EXOC4: variants seen among roughly 807,000 people sequenced by gnomAD.
EXOC4 encodes the protein SEC8-like 1.
A neutral mutation model predicts 107.2 loss-of-function variants in EXOC4; 71 were observed. The observed-to-expected ratio is 0.66, with a 90% CI of 0.55 to 0.81. EXOC4 has a LOEUF of 0.81. EXOC4 is among the 30% of genes least tolerant of loss of function. The pLI, the probability that EXOC4 is intolerant of heterozygous loss-of-function variation, is 0.00. For synonymous variants in EXOC4, 456 were observed against 441.2 expected (o/e 1.03, Z -0.42); for missense variants, 1,108 against 1,189.6 (o/e 0.93, Z 1.01).
At chr7:133,928,259 C>T (rs1415994193) in intron 13 of EXOC4, among the ~76,000 whole-genome samples, 2 of 152,146 alleles carry the variant, frequency 1.3e-5, no homozygotes, top group African/African-American at 4.8e-5. Flanking sequence ...TCACCTGTGC[C>T]ATTGTGGTGG....
intron 14 of EXOC4, among the ~76,000 whole-genome samples, chr7:133,938,753 A>T (rs996351433): frequency 1.3e-5 from 2 of 152,252 alleles, no homozygotes; most frequent in African/African-American, 4.8e-5. Context: ...TAACACAGTT[A>T]AAATAGAGAC....
intron 5 of EXOC4, among the ~76,000 whole-genome samples, chr7:133,323,879 C>A (rs1193064793): frequency 1.3e-5 from 2 of 152,146 alleles, no homozygotes; most frequent in African/African-American, 4.8e-5. Flanking sequence ...ATTATTGCCT[C>A]AATTTCAGAG....
chr7:133,914,717 G>A (rs543001367), intron 12 of EXOC4, among the ~76,000 whole-genome samples: 14 of 152,302 alleles, frequency 9.2e-5, no homozygotes, highest in South Asian at 4.2e-4. Context: ...TGCAGACTAC[G>A]TAACAGTGAT....
intron 9 of EXOC4, among the ~76,000 whole-genome samples, chr7:133,570,699 T>C (rs963679513): frequency 1.3e-5 from 2 of 152,198 alleles, no homozygotes; most frequent in Admixed American, 1.3e-4. Context: ...AAACCAGGAC[T>C]CTTATCCACT....
At chr7:133,375,226 A>G (rs1796463104) in intron 7 of EXOC4, among the ~76,000 whole-genome samples, 2 of 152,220 alleles carry the variant, frequency 1.3e-5, no homozygotes, top group Non-Finnish European at 2.9e-5. Flanking sequence ...CTGTAATCCC[A>G]GTACTTTGGG....
chr7:133,633,002 G>T (rs540981858), intron 10 of EXOC4, among the ~76,000 whole-genome samples: 1 of 152,244 alleles, frequency 6.6e-6, no homozygotes, highest in East Asian at 1.9e-4. Context: ...AATAATCTTG[G>T]TTCAGGACTA....
At chr7:133,841,779 C>A (rs1385717742) in intron 11 of EXOC4, among the ~76,000 whole-genome samples, 3 of 152,126 alleles carry the variant, frequency 2.0e-5, no homozygotes, top group Non-Finnish European at 4.4e-5. Context: ...AAGCATAGTA[C>A]CCAATAGGTA....
chr7:133,426,470 G>A (rs1030680477), intron 7 of EXOC4, among the ~76,000 whole-genome samples: 4 of 152,220 alleles, frequency 2.6e-5, no homozygotes, highest in African/African-American at 4.8e-5. Flanking sequence ...ACTTGCTCAT[G>A]AAGTGTGGGA....
At chr7:133,798,194 A>G (rs931605730) in intron 10 of EXOC4, among the ~76,000 whole-genome samples, 2 of 152,126 alleles carry the variant, frequency 1.3e-5, no homozygotes, top group African/African-American at 4.8e-5. Flanking sequence ...AGTCCTCAAC[A>G]TTTCTTATTT....
intron 11 of EXOC4, among the ~76,000 whole-genome samples, chr7:133,820,084 G>A (rs1402643634): frequency 6.7e-6 from 1 of 148,456 alleles, no homozygotes; most frequent in African/African-American, 2.5e-5. Flanking sequence ...AAGTGAATAA[G>A]TCTTGAGGCT....
At chr7:133,773,656 G>T (rs939489471) in intron 10 of EXOC4, among the ~76,000 whole-genome samples, 3 of 151,884 alleles carry the variant, frequency 2.0e-5, no homozygotes, top group African/African-American at 4.8e-5. Flanking sequence ...CATGTTGGGG[G>T]TTGAAATATC....
chr7:133,854,999 A>G (rs1018136552), intron 11 of EXOC4, among the ~76,000 whole-genome samples: 11 of 143,710 alleles, frequency 7.7e-5, no homozygotes, highest in African/African-American at 2.9e-4. Flanking sequence ...ATTGGATTAT[A>G]ATGGCTTCTC....
intron 6 of EXOC4, among the ~76,000 whole-genome samples, chr7:133,371,870 A>G (rs963007400): frequency 2.6e-5 from 4 of 152,298 alleles, no homozygotes; most frequent in South Asian, 4.1e-4. Flanking sequence ...GAGAGTTCCA[A>G]TTTCTCTGCA....
At chr7:133,650,091 T>A (rs1403991141) in intron 10 of EXOC4, among the ~76,000 whole-genome samples, 9 of 152,086 alleles carry the variant, frequency 5.9e-5, no homozygotes, top group Non-Finnish European at 1.0e-4. Flanking sequence ...TGGAATACAT[T>A]CTTTTGTTTG....
At chr7:133,307,802 G>T (rs1467910565) in intron 4 of EXOC4, among the ~76,000 whole-genome samples, 1 of 152,152 alleles carries the variant, frequency 6.6e-6, no homozygotes, top group African/African-American at 2.4e-5. Flanking sequence ...CCTTGCTGGC[G>T]GTCCCAGGAG....
At chr7:133,669,231 C>T (rs1208056130) in intron 10 of EXOC4, among the ~76,000 whole-genome samples, 1 of 151,994 alleles carries the variant, frequency 6.6e-6, no homozygotes, top group Non-Finnish European at 1.5e-5. Flanking sequence ...CTGGTGGATG[C>T]AGCCTTTACA....
chr7:133,539,637 A>G (rs763629437), intron 9 of EXOC4, among the ~76,000 whole-genome samples: 17 of 152,090 alleles, frequency 1.1e-4, no homozygotes, highest in South Asian at 4.2e-4. Flanking sequence ...TATAAAATCA[A>G]TGTAGTAGCT....
At chr7:133,919,988 A>G (rs1029878191) in intron 13 of EXOC4, among the ~76,000 whole-genome samples, 2 of 152,206 alleles carry the variant, frequency 1.3e-5, no homozygotes, top group Non-Finnish European at 2.9e-5. Context: ...TGGTTGTATC[A>G]TTTCACATTC....
chr7:133,313,403 A>C (rs1794921100), intron 4 of EXOC4, among the ~76,000 whole-genome samples: 1 of 152,192 alleles, frequency 6.6e-6, no homozygotes, highest in Non-Finnish European at 1.5e-5. Context: ...TTCTTAGCTC[A>C]GTTTGATTTA....
Sources: allele counts gnomAD v4.1 joint callset (sites outside exome capture counted in the v4.1 genomes callset), GRCh38; gene constraint gnomAD v4.1.1; transcripts MANE v1.5; gene names NCBI Gene and HGNC (gene_info 2026-07-23, HGNC 2026-07-21).